The following CGNL1 variants were observed in gnomAD, a reference collection of about 807,000 sequenced individuals.
CGNL1 encodes cingulin like 1, also known as cingulin-like protein 1.
Under a neutral mutation model 141.2 loss-of-function variants are expected in CGNL1, and 132 were observed. The observed-to-expected ratio is 0.93, with a 90% CI of 0.81 to 1.08. CGNL1 has a LOEUF of 1.08. Ranked by LOEUF, CGNL1 falls within the 50% of genes least tolerant of loss-of-function variation. The pLI is 0.00. For synonymous variants in CGNL1, 690 were observed against 622.1 expected (o/e 1.11, Z -1.63); for missense variants, 1,870 against 1,588.6 (o/e 1.18, Z -3.01).
Position 57,524,456 on chromosome 15 carries a change from G to A in CGNL1, c.2869-125G>A, listed in dbSNP as rs543984310. 6 of 894,996 alleles carry A rather than the reference G, an allele frequency of 6.7e-6. No individual in the cohort carries two copies. The South Asian group carries it at 1.0e-4, about 15-fold the overall frequency. The allele number at this position is 894,996 out of a possible 1,614,324, so 55.4% of individuals were successfully genotyped here. A position where few individuals can be genotyped will look rare whatever the true frequency, so the allele number is the denominator to read the frequency against. ...CCTGGCTGACTCAGGATCAGGTGCT[G>A]GGCCATCTTTGAGGGGGCCATAGAA... On this transcript the variant is annotated intron_variant, in intron 11 of 18. Transcript: ENST00000281282.
intron 1 of CGNL1, among the ~76,000 whole-genome samples, chr15:57,419,615 G>T (rs756938340): frequency 1.3e-5 from 2 of 152,100 alleles, no homozygotes; most frequent in African/African-American, 4.8e-5. Flanking sequence ...ATTAGACTGC[G>T]ATTAGGAAGT....
intron 13 of CGNL1, among the ~76,000 whole-genome samples, chr15:57,529,942 G>T (rs1221864130): frequency 6.6e-6 from 1 of 152,170 alleles, no homozygotes; most frequent in East Asian, 1.9e-4. Context: ...TCTTTTGTTG[G>T]ACTGCTGTAC....
At chr15:57,498,155 G>C (rs756504468) in intron 8 of CGNL1, among the ~76,000 whole-genome samples, 1 of 151,672 alleles carries the variant, frequency 6.6e-6, no homozygotes, top group Non-Finnish European at 1.5e-5. Context: ...CATAGCATTG[G>C]GTTCTTGTCT....
intron 8 of CGNL1, among the ~76,000 whole-genome samples, chr15:57,496,815 A>G (rs2063945348): frequency 6.6e-6 from 1 of 152,188 alleles, no homozygotes; most frequent in Non-Finnish European, 1.5e-5. Flanking sequence ...AGAGCCCAGC[A>G]CACAGAGCAC....
At chr15:57,453,039 T>C (rs1291471507) in intron 6 of CGNL1, among the ~76,000 whole-genome samples, 1 of 152,166 alleles carries the variant, frequency 6.6e-6, no homozygotes, top group Non-Finnish European at 1.5e-5. Context: ...ATATAGGGTA[T>C]AGTAAAAGTT....
intron 8 of CGNL1, among the ~76,000 whole-genome samples, chr15:57,515,963 C>G (rs573649563): frequency 6.6e-6 from 1 of 151,958 alleles, no homozygotes; most frequent in Admixed American, 6.6e-5. Context: ...TCGAGACCAT[C>G]CTGGCTAACA....
rs1317642240 is a variant in CGNL1, at chr15:57,406,382, G to A, written c.-16+29815G>A. 2.2e-4 allele frequency among the ~76,000 whole-genome samples: 33 copies of A among 152,148 alleles called. 1 individual carries two copies. The highest frequency in any genetic ancestry group is 2.9e-5 in the Non-Finnish European group (2 of 68,020). Reference sequence around the variant, plus strand: ...GTAGCTAGAGGGAGGGAGTGAGGGTGGGGGTTCTAAGAGAAGGAGGGCAGA... The same window carrying A: ...GTAGCTAGAGGGAGGGAGTGAGGGTAGGGGTTCTAAGAGAAGGAGGGCAGA... On this transcript the variant is annotated intron_variant, in intron 1 of 18. Transcript: ENST00000281282.
chr15:57,461,162 A>G (rs1450139639), intron 7 of CGNL1, among the ~76,000 whole-genome samples: 1 of 152,190 alleles, frequency 6.6e-6, no homozygotes, highest in Non-Finnish European at 1.5e-5. Context: ...TAAGAAGGGG[A>G]AAATATGAAT....
intron 1 of CGNL1, among the ~76,000 whole-genome samples, chr15:57,410,854 G>A (rs556369507): frequency 2.0e-5 from 3 of 152,268 alleles, no homozygotes; most frequent in African/African-American, 4.8e-5. Context: ...CTTAATAAGA[G>A]ACTGAAGTTC....
intron 13 of CGNL1, 61 bp from the exon 14 acceptor site, chr15:57,531,629 C>A: frequency 1.9e-6 from 2 of 1,068,838 alleles, no homozygotes; most frequent in Non-Finnish European, 2.9e-6. Flanking sequence ...GTGGGGGAGC[C>A]TTTGCTGTTA....
At chr15:57,389,704 C>T (rs1287281994) in intron 1 of CGNL1, among the ~76,000 whole-genome samples, 3 of 152,148 alleles carry the variant, frequency 2.0e-5, no homozygotes, top group Non-Finnish European at 2.9e-5. Context: ...ATTTTATCAT[C>T]GTGTGTCATT....
chr15:57,418,330 C>T (rs754987761), intron 1 of CGNL1, among the ~76,000 whole-genome samples: 11 of 152,066 alleles, frequency 7.2e-5, no homozygotes, highest in Non-Finnish European at 1.5e-4. Flanking sequence ...CCATCTCATG[C>T]CTCATTTTTT....
intron 1 of CGNL1, among the ~76,000 whole-genome samples, chr15:57,400,536 G>A (rs1352968835): frequency 6.6e-6 from 1 of 152,110 alleles, no homozygotes; most frequent in Non-Finnish European, 1.5e-5. Context: ...AGCTTTGGAT[G>A]CTCAAAGCCC....
In CGNL1 at chr15:57,438,388, T is replaced by G. The variant is rs2063135205; in HGVS notation, c.389T>G (p.Leu130Arg). The change falls in exon 2 of 19, where the codon CTA becomes CGA. Residue 130 changes from leucine to arginine, a missense_variant. Coordinates refer to ENST00000281282, the MANE Select transcript of CGNL1 (RefSeq NM_032866.5). Reference protein sequence around the residue: ...PLLHEGKNGVLDRKDGSVKPS... With the variant: ...PLLHEGKNGVRDRKDGSVKPS... Reference sequence around the variant, plus strand: ...CTCCATGAGGGCAAGAATGGAGTTCTAGATCGCAAAGACGGGTCTGTGAAG... The same window carrying G: ...CTCCATGAGGGCAAGAATGGAGTTCGAGATCGCAAAGACGGGTCTGTGAAG... 6 of 1,614,218 alleles carry G rather than the reference T, an allele frequency of 3.7e-6. No individual in the cohort carries two copies. Among genetic ancestry groups the G allele is most frequent in the Non-Finnish European group, 5.1e-6 (6 of 1,180,034 alleles).
intron 8 of CGNL1, among the ~76,000 whole-genome samples, chr15:57,511,315 C>A (rs763183909): frequency 2.6e-5 from 4 of 152,188 alleles, no homozygotes; most frequent in Non-Finnish European, 4.4e-5. Flanking sequence ...TTCTTCCTCA[C>A]TTTCTTGTTC....
At chr15:57,405,527 C>T (rs1362863318) in intron 1 of CGNL1, among the ~76,000 whole-genome samples, 1 of 152,230 alleles carries the variant, frequency 6.6e-6, no homozygotes, top group East Asian at 1.9e-4. Flanking sequence ...TTTGATCTGT[C>T]ATTTGCAATC....
intron 8 of CGNL1, among the ~76,000 whole-genome samples, chr15:57,513,251 T>TA (rs2030477981): frequency 9.0e-6 from 1 of 111,686 alleles, no homozygotes; most frequent in Admixed American, 1.0e-4. Context: ...AATGTCAATA[T>TA]GGGTGTGTGT....
Position 57,439,373 on chromosome 15 carries a change from C to T in CGNL1, c.1374C>T (p.His458=). ...CAGCGCACGGGGCTTCATGTGCCCA[C>T]TCCAGGCCTCCCCAGCCGAACATAG... ...QGAAHGASCA[H]SRPPQPNIDG... The change falls in exon 2 of 19, where the codon CAC becomes CAT. Residue 458 remains histidine, a synonymous_variant. Coordinates refer to ENST00000281282, the MANE Select transcript of CGNL1 (RefSeq NM_032866.5). The T allele has an allele frequency of 1.2e-6, 2 of 1,614,184 alleles. No individual in the cohort carries two copies. Among genetic ancestry groups the T allele is most frequent in the Admixed American group, 1.7e-5 (1 of 60,032 alleles).
At chr15:57,382,007 T>C (rs2062430479) in intron 1 of CGNL1, among the ~76,000 whole-genome samples, 1 of 152,216 alleles carries the variant, frequency 6.6e-6, no homozygotes, top group Non-Finnish European at 1.5e-5. Flanking sequence ...CTTCAAGTTC[T>C]GCAAACCTCT....
Sources: allele counts gnomAD v4.1 joint callset (sites outside exome capture counted in the v4.1 genomes callset), GRCh38; gene constraint gnomAD v4.1.1; transcripts MANE v1.5; gene names NCBI Gene and HGNC (gene_info 2026-07-23, HGNC 2026-07-21).